Variants in IL23R observed in about 807,000 individuals in gnomAD.
IL23R encodes interleukin 23 receptor, also known as interleukin-23 receptor.
Under a neutral mutation model 56.9 loss-of-function variants are expected in IL23R, and 34 were observed. The ratio of observed to expected loss-of-function variants is 0.60; its 90% CI spans 0.45 to 0.80. The LOEUF (loss-of-function observed/expected upper bound fraction) is 0.80. IL23R is among the 30% of genes least tolerant of loss of function. The pLI is 0.00. For missense variants in IL23R, 635 were observed against 730.0 expected, an observed-to-expected ratio of 0.87 and a Z score of 1.50; for synonymous variants, 230 against 249.2, an observed-to-expected ratio of 0.92 and a Z score of 0.73.
At chr1:67,241,691 A>G (rs1315012063) in intron 9 of IL23R, among the ~76,000 whole-genome samples, 1 of 152,190 alleles carries the variant, frequency 6.6e-6, no homozygotes, top group Non-Finnish European at 1.5e-5. Context: ...GACATTCTGG[A>G]GATGGCTGCT....
chr1:67,178,206 G>A, intron 3 of IL23R, among the ~76,000 whole-genome samples: 1 of 151,946 alleles, frequency 6.6e-6, no homozygotes, highest in East Asian at 1.9e-4. Context: ...AATTACCTTG[G>A]GCAGTATGGC....
chr1:67,142,237 C>A (rs1285881599), intron 1 of IL23R, among the ~76,000 whole-genome samples: 1 of 151,976 alleles, frequency 6.6e-6, no homozygotes, highest in Admixed American at 6.6e-5. Context: ...AAGTGAGATC[C>A]TTTCTCAAAA....
intron 2 of IL23R, among the ~76,000 whole-genome samples, chr1:67,168,819 C>T (rs899592663): frequency 1.3e-5 from 2 of 152,242 alleles, no homozygotes; most frequent in African/African-American, 2.4e-5. Flanking sequence ...CTTAGAGAAG[C>T]TTCCAGGCTG....
At chr1:67,150,418 C>A (rs776527095) in intron 1 of IL23R, among the ~76,000 whole-genome samples, 1 of 151,870 alleles carries the variant, frequency 6.6e-6, no homozygotes, top group Non-Finnish European at 1.5e-5. Context: ...CTCTCCCTCC[C>A]CTTGCTCCCC....
chr1:67,214,501 A>G (rs1255328167), intron 6 of IL23R, among the ~76,000 whole-genome samples: 1 of 152,222 alleles, frequency 6.6e-6, no homozygotes, highest in East Asian at 1.9e-4. Flanking sequence ...GCCACTTCTG[A>G]CAAAGAGAAG....
chr1:67,145,294 C>T (rs974394530), intron 1 of IL23R, among the ~76,000 whole-genome samples: 3 of 152,146 alleles, frequency 2.0e-5, no homozygotes, highest in African/African-American at 7.2e-5. Context: ...CTGCAGTGAG[C>T]CCAAATTGTG....
At chr1:67,148,399 C>G (rs1206995449) in intron 1 of IL23R, among the ~76,000 whole-genome samples, 1 of 152,254 alleles carries the variant, frequency 6.6e-6, no homozygotes, top group African/African-American at 2.4e-5. Flanking sequence ...GGGTTTATAT[C>G]CCAATCATTG....
chr1:67,222,098 C>A (rs144189508), intron 7 of IL23R, among the ~76,000 whole-genome samples: 145 of 89,794 alleles, frequency 1.6e-3, no homozygotes, highest in African/African-American at 6.5e-3. Flanking sequence ...TTCTTTCTTT[C>A]TTTCTTTTTT....
chr1:67,204,666 A>G (rs1173331830), intron 5 of IL23R, among the ~76,000 whole-genome samples: 1 of 152,138 alleles, frequency 6.6e-6, no homozygotes, highest in Non-Finnish European at 1.5e-5. Context: ...GGTGGGTGAC[A>G]GGAGGAGGTG....
chr1:67,141,057 C>T (rs1049500984), intron 1 of IL23R, among the ~76,000 whole-genome samples: 30 of 151,890 alleles, frequency 2.0e-4, no homozygotes, highest in African/African-American at 6.8e-4. Flanking sequence ...GCAGCTGTTA[C>T]AAGAGGTATG....
chr1:67,198,031 G>C (rs1648302500), intron 4 of IL23R, among the ~76,000 whole-genome samples: 1 of 152,156 alleles, frequency 6.6e-6, no homozygotes, highest in South Asian at 2.1e-4. Context: ...AGTTCTGCAG[G>C]CTGTCCAGGA....
At chr1:67,224,196 T>C (rs1031361275) in intron 7 of IL23R, among the ~76,000 whole-genome samples, 1 of 152,186 alleles carries the variant, frequency 6.6e-6, no homozygotes, top group East Asian at 1.9e-4. Flanking sequence ...CATTGCATCA[T>C]ACATAAAGAT....
At chr1:67,212,425 C>T (rs1409675660) in intron 6 of IL23R, among the ~76,000 whole-genome samples, 1 of 152,204 alleles carries the variant, frequency 6.6e-6, no homozygotes, top group African/African-American at 2.4e-5. Flanking sequence ...GTGGCATTGC[C>T]TCCATTAGAT....
chr1:67,207,608 G>T (rs1477178180), intron 6 of IL23R: 1 of 387,400 alleles, frequency 2.6e-6, no homozygotes, highest in Non-Finnish European at 5.0e-6. Context: ...TTCCGCTTTT[G>T]CTTCTTCCTC....
intron 6 of IL23R, among the ~76,000 whole-genome samples, chr1:67,215,311 T>G (rs1218001418): frequency 6.6e-6 from 1 of 152,168 alleles, no homozygotes; most frequent in Non-Finnish European, 1.5e-5. Flanking sequence ...GTCCAGCTGG[T>G]CTAAGGTGAG....
At position 67,258,655 on chromosome 1, in the gene IL23R, A is replaced by G. The variant is rs926027118; in HGVS notation, c.1417A>G (p.Thr473Ala). ...GCAAAACTCGCTATTCGACAATACTACAGTTGTATATATTCCTGATCTCAA... is the reference window on the plus strand; with the variant it reads ...GCAAAACTCGCTATTCGACAATACTGCAGTTGTATATATTCCTGATCTCAA... The part of the protein sequence containing the change: ...YPQNSLFDNT[T>A]VVYIPDLNTG... Residue 473 changes from threonine to alanine, a missense_variant, in exon 11 of 11, where the codon ACA becomes GCA. Physicochemically the swap from Thr to Ala is moderately conservative, Grantham distance 58 (BLOSUM62 0). Coordinates refer to ENST00000347310, the MANE Select transcript of IL23R (RefSeq NM_144701.3). 6.2e-7 allele frequency: 1 copy of G among 1,613,990 alleles called. No individual in the cohort carries two copies. The highest frequency in any genetic ancestry group is 8.5e-7 in the Non-Finnish European group (1 of 1,179,968).
At chr1:67,235,448 C>G (rs779306066) in intron 7 of IL23R, among the ~76,000 whole-genome samples, 2 of 150,362 alleles carry the variant, frequency 1.3e-5, no homozygotes, top group Non-Finnish European at 2.9e-5. Flanking sequence ...GGCCGGAGTG[C>G]TATGGCACGA....
At chr1:67,143,102 T>A (rs1202070969) in intron 1 of IL23R, among the ~76,000 whole-genome samples, 1 of 152,128 alleles carries the variant, frequency 6.6e-6, no homozygotes, top group Non-Finnish European at 1.5e-5. Context: ...TCTCACAGCA[T>A]AACAAAATCA....
intron 3 of IL23R, among the ~76,000 whole-genome samples, chr1:67,173,239 G>A (rs1646966164): frequency 6.6e-6 from 1 of 152,084 alleles, no homozygotes; most frequent in South Asian, 2.1e-4. Context: ...ATACTCACAG[G>A]CCCATCTTTA....
Sources: gnomAD v4.1 joint callset for allele counts (sites outside exome capture counted in the v4.1 genomes callset) on GRCh38, gnomAD v4.1.1 for gene constraint, MANE v1.5 for transcripts, NCBI Gene and HGNC (gene_info 2026-07-23, HGNC 2026-07-21) for gene names.